Variants in KIAA1958 observed in about 807,000 individuals in gnomAD.
KIAA1958 encodes KIAA1958.
KIAA1958 carries 14 observed loss-of-function variants against 47.2 expected under a neutral mutation model. The ratio of observed to expected loss-of-function variants is 0.30; its 90% CI spans 0.20 to 0.46. KIAA1958 has a LOEUF of 0.46. Among genes scored for constraint, KIAA1958 ranks in the 20% least tolerant of loss-of-function variants. KIAA1958 has a pLI of 1.00. For synonymous variants in KIAA1958, 354 were observed against 353.3 expected (o/e 1.00, Z -0.02); for missense variants, 803 against 909.2 (o/e 0.88, Z 1.50).
At chr9:112,586,985 G>A (rs755194216) in intron 2 of KIAA1958, among the ~76,000 whole-genome samples, 6 of 152,142 alleles carry the variant, frequency 3.9e-5, no homozygotes, top group Admixed American at 1.3e-4. Context: ...TCTCCCCACA[G>A]GTAGAGCTGC....
At position 112,628,209 on chromosome 9, in the gene KIAA1958, C is replaced by A. The variant is rs532894820; in HGVS notation, c.1172-17441C>A. Among the ~76,000 whole-genome samples, 4 of 152,240 alleles carry A rather than the reference C, an allele frequency of 2.6e-5. No individual in the cohort carries two copies. The South Asian group carries it at 8.3e-4, about 32-fold the overall frequency. On this transcript the variant is annotated intron_variant, in intron 2 of 3. Coordinates refer to ENST00000337530, the MANE Select transcript of KIAA1958 (RefSeq NM_133465.4). ...TCAATGGGCTTGTAATTACAAGATTCTTTTAATAAAGGGGTAATCTCCTGA... is the reference window on the plus strand; with the variant it reads ...TCAATGGGCTTGTAATTACAAGATTATTTTAATAAAGGGGTAATCTCCTGA...
chr9:112,563,215 C>T (rs1835368770), intron 1 of KIAA1958, among the ~76,000 whole-genome samples: 1 of 151,806 alleles, frequency 6.6e-6, no homozygotes, highest in African/African-American at 2.4e-5. Context: ...TAGGTGTGAG[C>T]CTGTAATATT....
chr9:112,641,765 T>C (rs906652799), intron 2 of KIAA1958, among the ~76,000 whole-genome samples: 2 of 152,162 alleles, frequency 1.3e-5, no homozygotes, highest in Non-Finnish European at 2.9e-5. Context: ...CCTTTAGCCA[T>C]GTTCATTCTA....
chr9:112,503,831 C>T (rs1834185734), intron 1 of KIAA1958, among the ~76,000 whole-genome samples: 1 of 151,796 alleles, frequency 6.6e-6, no homozygotes, highest in Non-Finnish European at 1.5e-5. Context: ...CCCTCCTTCC[C>T]TGATCATGAC....
Position 112,659,347 on chromosome 9 carries a change from T to G in KIAA1958, c.1429T>G (p.Ser477Ala). Residue 477 changes from serine (S) to alanine (A), a missense_variant, in exon 4 of 4, where the codon TCG (serine) becomes GCG (alanine). By Grantham distance (99) the Ser-to-Ala change is moderately conservative (BLOSUM62 1). Transcript: ENST00000337530. ...CGACGGCTCGGACTTCCTGGCCACC[T>G]CGCTCCATGCTATTCGCCGAGGCCT... ...KSDGSDFLAT[S>A]LHAIRRGLDR... 6.2e-7 allele frequency: 1 copy of G among 1,614,080 alleles called. No homozygotes were observed. The highest frequency in any genetic ancestry group is 8.5e-7 in the Non-Finnish European group (1 of 1,180,018).
intron 3 of KIAA1958, among the ~76,000 whole-genome samples, chr9:112,648,599 CAGAA>C (rs1352811602): frequency 6.6e-6 from 1 of 152,176 alleles, no homozygotes; most frequent in Admixed American, 6.5e-5. Context: ...ATGGGGTACT[CAGAA>C]AGGACTTGCA....
At chr9:112,617,493 AGTTTGTCAGCGCTAATGG>A (rs1836426769) in intron 2 of KIAA1958, among the ~76,000 whole-genome samples, 2 of 152,228 alleles carry the variant, frequency 1.3e-5, no homozygotes, top group Admixed American at 1.3e-4. Context: ...ATTCGGAATG[AGTTTGTCAGCGCTAATGG>A]GGCTCTTGCA....
intron 1 of KIAA1958, among the ~76,000 whole-genome samples, chr9:112,546,886 G>C (rs190852683): frequency 6.2e-4 from 94 of 152,116 alleles, no homozygotes; most frequent in Non-Finnish European, 7.9e-4. Flanking sequence ...CTGCCTCTCT[G>C]TGCTCCTTGA....
At chr9:112,537,864 A>G in intron 1 of KIAA1958, among the ~76,000 whole-genome samples, 1 of 152,254 alleles carries the variant, frequency 6.6e-6, no homozygotes, top group Non-Finnish European at 1.5e-5. Context: ...GAAATTTAGG[A>G]AAATTTTCAC....
chr9:112,539,608 A>T (rs1437030007), intron 1 of KIAA1958, among the ~76,000 whole-genome samples: 2 of 151,872 alleles, frequency 1.3e-5, no homozygotes, highest in Non-Finnish European at 2.9e-5. Flanking sequence ...ATTGATTGTG[A>T]TTCTAAAGTC....
intron 2 of KIAA1958, among the ~76,000 whole-genome samples, chr9:112,596,156 A>C (rs1424746190): frequency 1.3e-5 from 2 of 152,154 alleles, no homozygotes; most frequent in East Asian, 3.8e-4. Flanking sequence ...GAAATGACCG[A>C]TTATAGTTGA....
At chr9:112,567,695 A>G (rs960584411) in intron 1 of KIAA1958, among the ~76,000 whole-genome samples, 26 of 152,168 alleles carry the variant, frequency 1.7e-4, no homozygotes, top group African/African-American at 6.3e-4. Context: ...ATGGTGGCTG[A>G]CACCTGTAAT....
At chr9:112,530,397 G>T (rs544882528) in intron 1 of KIAA1958, among the ~76,000 whole-genome samples, 94 of 152,078 alleles carry the variant, frequency 6.2e-4, no homozygotes, top group East Asian at 9.6e-4. Context: ...TTATTTTCTG[G>T]TACTATTAGG....
chr9:112,621,482 G>A (rs1470866427), intron 2 of KIAA1958, among the ~76,000 whole-genome samples: 1 of 152,198 alleles, frequency 6.6e-6, no homozygotes, highest in Admixed American at 6.5e-5. Context: ...AGAGTAGTCA[G>A]TATGCACTGT....
rs185854112 is a variant in KIAA1958, at chr9:112,633,578, C to A, written c.1172-12072C>A. ...CGCTAATATATTGCTGTAACCACCA[C>A]CTGGAGGGAGACATAGAATATTACC... On this transcript the variant is annotated intron_variant, in intron 2 of 3. Transcript: ENST00000337530. 2.0e-4 allele frequency among the ~76,000 whole-genome samples: 31 copies of A among 152,216 alleles called. No homozygotes were observed. In the East Asian group the frequency reaches 5.2e-3, roughly 26 times the overall value.
chr9:112,542,617 G>A (rs1489398711), intron 1 of KIAA1958, among the ~76,000 whole-genome samples: 3 of 152,088 alleles, frequency 2.0e-5, no homozygotes, highest in Admixed American at 6.5e-5. Flanking sequence ...TATAAATTTG[G>A]TATCTTCAGT....
chr9:112,666,474 C>G lies in KIAA1958; in HGVS notation c.*6405C>G, dbSNP rs1837352396. 6.6e-6 allele frequency: 1 copy of G among 152,118 alleles called. No homozygotes were observed. The highest frequency in any genetic ancestry group is 2.1e-4 in the South Asian group (1 of 4,822). The allele number at this position is 152,118 out of a possible 1,614,324, so 9.4% of individuals were successfully genotyped here. On this transcript the variant is annotated 3_prime_UTR_variant, in exon 4 of 4. Coordinates refer to ENST00000337530, the MANE Select transcript of KIAA1958 (RefSeq NM_133465.4). ...GAGAGTTAGTCCAGAACTCTCTCCTCCATATCACAGCTGAGAAGATTTAGA... is the reference window on the plus strand; with the variant it reads ...GAGAGTTAGTCCAGAACTCTCTCCTGCATATCACAGCTGAGAAGATTTAGA...
chr9:112,573,998 T>C lies in KIAA1958; in HGVS notation c.-24-59T>C, dbSNP rs1039346126. The C allele has an allele frequency of 4.5e-6, 4 of 881,210 alleles. No homozygotes were observed. The African/African-American group carries it at 6.7e-5, about 15-fold the overall frequency. 54.6% of individuals were successfully genotyped at this position (881,210 alleles called of 1,614,324 possible). A position where few individuals can be genotyped will look rare whatever the true frequency, so the allele number is the denominator to read the frequency against. On this transcript the variant is annotated intron_variant, in intron 1 of 3. Transcript: ENST00000337530. ...TCATATTTGGAACAAACTGAAGTAA[T>C]TGAGCTATAGGATTATCTTGGGTAA... is the stretch of plus-strand genomic sequence containing the variant.
At chr9:112,602,654 A>C (rs1392465512) in intron 2 of KIAA1958, among the ~76,000 whole-genome samples, 1 of 152,042 alleles carries the variant, frequency 6.6e-6, no homozygotes, top group Non-Finnish European at 1.5e-5. Flanking sequence ...GTCTTGTAGT[A>C]ATTTGTGTGA....
Sources: allele counts gnomAD v4.1 joint callset (sites outside exome capture counted in the v4.1 genomes callset), GRCh38; gene constraint gnomAD v4.1.1; transcripts MANE v1.5; gene names NCBI Gene and HGNC (gene_info 2026-07-23, HGNC 2026-07-21).